The following UNC13C variants were observed in gnomAD, a reference collection of about 807,000 sequenced individuals.
UNC13C encodes unc-13 homolog C, also known as protein unc-13 homolog C.
Under a neutral mutation model 245.4 loss-of-function variants are expected in UNC13C, and 174 were observed. The observed-to-expected ratio is 0.71, with a 90% confidence interval of 0.63 to 0.80. UNC13C has a LOEUF of 0.80. UNC13C is among the 30% of genes least tolerant of loss of function. UNC13C has a pLI of 0.00. For synonymous variants in UNC13C, 992 were observed against 895.1 expected, an observed-to-expected ratio of 1.11 and a Z score of -1.93; for missense variants, 2,829 against 2,602.9, an observed-to-expected ratio of 1.09 and a Z score of -1.89.
chr15:53,858,706 A>G, the UNC13C span, among the ~76,000 whole-genome samples: 4 of 152,190 alleles, frequency 2.6e-5, no homozygotes, highest in African/African-American at 9.6e-5. Context: ...GGCATGAGCC[A>G]CCACACCTGG....
chr15:54,303,657 G>A (rs1254840865), intron 13 of UNC13C, among the ~76,000 whole-genome samples: 1 of 147,512 alleles, frequency 6.8e-6, no homozygotes, highest in East Asian at 2.0e-4. Context: ...AATTTAGAAA[G>A]CTTATTTTGC....
At chr15:53,858,474 G>A in the UNC13C span, among the ~76,000 whole-genome samples, 3 of 150,784 alleles carry the variant, frequency 2.0e-5, no homozygotes, top group Admixed American at 6.6e-5. Context: ...AGGTTGGAGT[G>A]CAGTGGCATG....
At chr15:53,898,616 G>A in the UNC13C span, among the ~76,000 whole-genome samples, 4 of 152,018 alleles carry the variant, frequency 2.6e-5, no homozygotes, top group African/African-American at 9.7e-5. Context: ...TATTGACTGG[G>A]CCATTTTAAA....
chr15:53,926,076 T>C, the UNC13C span, among the ~76,000 whole-genome samples: 52 of 152,314 alleles, frequency 3.4e-4, no homozygotes, highest in Middle Eastern at 3.4e-3. Context: ...GGAGCAATAC[T>C]ATTCTTGTTG....
intron 19 of UNC13C, among the ~76,000 whole-genome samples, chr15:54,423,240 C>T (rs1322328727): frequency 6.6e-6 from 1 of 151,614 alleles, no homozygotes; most frequent in East Asian, 1.9e-4. Context: ...CAACACTGTT[C>T]TTAAAAATAA....
chr15:54,521,929 C>T (rs996732563), intron 24 of UNC13C, among the ~76,000 whole-genome samples: 1 of 152,044 alleles, frequency 6.6e-6, no homozygotes, highest in Non-Finnish European at 1.5e-5. Context: ...GGAACAGATA[C>T]CCAGGATAGA....
intron 20 of UNC13C, among the ~76,000 whole-genome samples, chr15:54,496,815 A>G (rs665177): frequency 0.59 from 88,747 of 149,612 alleles, 26,501 homozygotes; most frequent in East Asian, 0.79. Flanking sequence ...TGAGGACTTG[A>G]GGGAAAGGGA....
chr15:53,945,857 T>C, the UNC13C span, among the ~76,000 whole-genome samples: 7 of 152,226 alleles, frequency 4.6e-5, no homozygotes, highest in East Asian at 5.8e-4. Flanking sequence ...ATTTTAATGA[T>C]AATGATTCTT....
intron 19 of UNC13C, among the ~76,000 whole-genome samples, chr15:54,421,350 ACT>A (rs953838920): frequency 1.3e-5 from 2 of 151,932 alleles, no homozygotes; most frequent in African/African-American, 4.8e-5. Context: ...ATACATCAAA[ACT>A]CTGCATATAT....
In UNC13C at chr15:54,080,618, T is replaced by C. The variant is rs1306080635; in HGVS notation, c.2984-62400T>C. Among the ~76,000 whole-genome samples, 4 of 152,222 alleles carry C rather than the reference T, an allele frequency of 2.6e-5. No homozygotes were observed. In the East Asian group the frequency reaches 5.8e-4, roughly 22 times the overall value. On this transcript the variant is annotated intron_variant, in intron 2 of 32. Coordinates refer to ENST00000260323, the MANE Select transcript of UNC13C (RefSeq NM_001080534.3). ...TATTTTGTACACATAGAAATGTTCATAGTAGTCTTTATGGATCTTTTGTAT... is the reference window on the plus strand; with the variant it reads ...TATTTTGTACACATAGAAATGTTCACAGTAGTCTTTATGGATCTTTTGTAT...
chr15:54,594,924 C>T (rs754354498), intron 30 of UNC13C, among the ~76,000 whole-genome samples: 9 of 152,216 alleles, frequency 5.9e-5, no homozygotes, highest in South Asian at 2.1e-4. Context: ...GGCTTGCTCA[C>T]GGCCCAGAGC....
chr15:53,861,417 A>G, the UNC13C span, among the ~76,000 whole-genome samples: 3 of 151,854 alleles, frequency 2.0e-5, no homozygotes, highest in African/African-American at 7.3e-5. Flanking sequence ...TCAACTCCAT[A>G]TTTTTTGCGT....
chr15:54,488,290 AACATTATACATACTGAGTCCTAAT>A (rs1296143035), intron 19 of UNC13C, among the ~76,000 whole-genome samples: 13 of 152,168 alleles, frequency 8.5e-5, no homozygotes, highest in Non-Finnish European at 1.5e-5. Flanking sequence ...TAGCTAGTAA[AACATTATACATACTGAGTCCTAAT>A]ACAGGCTTTT....
the UNC13C span, among the ~76,000 whole-genome samples, chr15:53,921,028 A>G: frequency 1.3e-5 from 2 of 151,980 alleles, no homozygotes; most frequent in Non-Finnish European, 2.9e-5. Flanking sequence ...CAGGAGTTAA[A>G]GTAGGGTGCT....
At chr15:54,068,557 G>A (rs1280437758) in intron 2 of UNC13C, among the ~76,000 whole-genome samples, 1 of 152,314 alleles carries the variant, frequency 6.6e-6, no homozygotes, top group East Asian at 1.9e-4. Context: ...GGTTGGCAAA[G>A]CGTGTATTTA....
chr15:54,522,349 G>A (rs896584449), intron 24 of UNC13C, among the ~76,000 whole-genome samples: 2 of 151,752 alleles, frequency 1.3e-5, no homozygotes, highest in African/African-American at 4.8e-5. Flanking sequence ...ATGGTGGCAG[G>A]TGCCTGTAAT....
intron 19 of UNC13C, among the ~76,000 whole-genome samples, chr15:54,478,315 T>G (rs1335450016): frequency 7.8e-6 from 1 of 128,722 alleles, no homozygotes; most frequent in East Asian, 2.9e-4. Flanking sequence ...TTTCCTTCTG[T>G]TCTGCTCTGA....
chr15:54,496,115 A>G (rs1016425871), intron 20 of UNC13C, among the ~76,000 whole-genome samples: 1 of 152,124 alleles, frequency 6.6e-6, no homozygotes, highest in Admixed American at 6.6e-5. Context: ...GCATTTGTTA[A>G]TTATTTTAGT....
chr15:54,265,775 A>G (rs2036536283), intron 10 of UNC13C, among the ~76,000 whole-genome samples: 1 of 151,982 alleles, frequency 6.6e-6, no homozygotes. Flanking sequence ...GATACACAAC[A>G]TGATCTATAA....
Sources: allele counts gnomAD v4.1 joint callset (sites outside exome capture counted in the v4.1 genomes callset), GRCh38; gene constraint gnomAD v4.1.1; transcripts MANE v1.5; gene names NCBI Gene and HGNC (gene_info 2026-07-23, HGNC 2026-07-21).